The following NKAIN3 variants were observed in gnomAD, a reference collection of about 807,000 sequenced individuals.
The protein encoded by NKAIN3 is sodium/potassium transporting ATPase interacting 3.
NKAIN3 carries 25 observed loss-of-function variants against 30.2 expected under a neutral mutation model. The ratio of observed to expected loss-of-function variants is 0.83; its 90% CI spans 0.60 to 1.16. NKAIN3 has a LOEUF of 1.16. NKAIN3 is among the 50% of genes most tolerant of loss of function. The pLI is 0.00. For synonymous variants in NKAIN3, 91 were observed against 89.6 expected (o/e 1.02, Z -0.09); for missense variants, 225 against 254.1 (o/e 0.89, Z 0.78).
At position 62,984,389 on chromosome 8, in the gene NKAIN3, A is replaced by T. The variant is rs985054760; in HGVS notation, c.*18982A>T. 8 of 150,318 alleles carry T rather than the reference A, an allele frequency of 5.3e-5. No individual in the cohort carries two copies. The highest frequency in any genetic ancestry group is 1.0e-4 in the Non-Finnish European group (7 of 67,456). The allele number at this position is 150,318 out of a possible 1,614,324, so 9.3% of individuals were successfully genotyped here. On this transcript the variant is annotated 3_prime_UTR_variant, in exon 7 of 7. Transcript: ENST00000623646. Reference sequence around the variant, plus strand: ...TTTAACATTTTTACCAGCAGAAATCATTTTTTTTTTAAATCTCTCAATCTT... The same window carrying T: ...TTTAACATTTTTACCAGCAGAAATCTTTTTTTTTTTAAATCTCTCAATCTT...
In NKAIN3 at chr8:62,830,949, G is replaced by C. The variant is rs944251422; in HGVS notation, c.471+83820G>C. Among the ~76,000 whole-genome samples the C allele has an allele frequency of 3.9e-5, 6 of 152,176 alleles. No homozygotes were observed. The South Asian group carries it at 1.2e-3, about 32-fold the overall frequency. On this transcript the variant is annotated intron_variant, in intron 4 of 6. Coordinates refer to ENST00000623646, the MANE Select transcript of NKAIN3 (RefSeq NM_001304533.3). ...CCACCCATCTTGGACCCTCCCCACA[G>C]GGATGAGCAAGAAGCTCAGACTGCC...
chr8:62,998,266 C>G (rs553520984), intron 5 of NKAIN3, among the ~76,000 whole-genome samples: 2 of 152,120 alleles, frequency 1.3e-5, no homozygotes, highest in African/African-American at 4.8e-5. Flanking sequence ...CTCTCTCTCT[C>G]TCTCTCTTTT....
At chr8:62,735,565 G>A (rs780452797) in intron 3 of NKAIN3, among the ~76,000 whole-genome samples, 1 of 151,830 alleles carries the variant, frequency 6.6e-6, no homozygotes, top group Non-Finnish European at 1.5e-5. Flanking sequence ...TTTTTTAAAT[G>A]TCTTTAAGTT....
chr8:62,361,010 TAAAAAAAAA>T (rs3085311), intron 1 of NKAIN3, among the ~76,000 whole-genome samples: 17 of 146,002 alleles, frequency 1.2e-4, no homozygotes, highest in Middle Eastern at 3.7e-3. Context: ...ATTCCCCAGC[TAAAAAAAAA>T]AAAAAAAAAA....
At chr8:62,593,863 C>T (rs1162928337) in intron 3 of NKAIN3, among the ~76,000 whole-genome samples, 2 of 151,974 alleles carry the variant, frequency 1.3e-5, no homozygotes, top group African/African-American at 4.8e-5. Flanking sequence ...AAAGTTTAGT[C>T]TTCACTTCCC....
intron 4 of NKAIN3, among the ~76,000 whole-genome samples, chr8:62,878,081 A>T (rs1173480785): frequency 6.7e-6 from 1 of 150,294 alleles, no homozygotes; most frequent in Non-Finnish European, 1.5e-5. Flanking sequence ...CAAATACGGG[A>T]CTTTGCATTT....
chr8:62,729,241 A>C (rs1815391277), intron 3 of NKAIN3, among the ~76,000 whole-genome samples: 1 of 152,098 alleles, frequency 6.6e-6, no homozygotes, highest in East Asian at 1.9e-4. Flanking sequence ...CAAGGAAGAT[A>C]TGTAGATGGA....
intron 4 of NKAIN3, among the ~76,000 whole-genome samples, chr8:62,806,671 G>A (rs956124008): frequency 3.3e-5 from 5 of 151,954 alleles, no homozygotes; most frequent in African/African-American, 4.8e-5. Flanking sequence ...GCGGGAGTGG[G>A]GAGGGATAGC....
chr8:62,278,472 G>C (rs1813043120), intron 1 of NKAIN3, among the ~76,000 whole-genome samples: 2 of 151,868 alleles, frequency 1.3e-5, no homozygotes, highest in Non-Finnish European at 2.9e-5. Context: ...TTGGTGTGCT[G>C]CACCCATTAA....
At chr8:62,477,099 G>A (rs950217391) in intron 1 of NKAIN3, among the ~76,000 whole-genome samples, 6 of 152,204 alleles carry the variant, frequency 3.9e-5, no homozygotes, top group African/African-American at 1.4e-4. Flanking sequence ...GGCAGGAAAT[G>A]TTCCTGCAGA....
chr8:62,369,745 C>A (rs1816849161), intron 1 of NKAIN3, among the ~76,000 whole-genome samples: 1 of 151,780 alleles, frequency 6.6e-6, no homozygotes, highest in Non-Finnish European at 1.5e-5. Flanking sequence ...ATTATTTGAA[C>A]TCCCCCCAAG....
rs1168994927 is a variant in NKAIN3 at position 62,979,857 on chromosome 8, G to A, written c.*14450G>A. ...CGTTTGTTTGGACCCTGCTAATCAA[G>A]GCTACAGGGCAGCTGCAGAAAGACA... On this transcript the variant is annotated 3_prime_UTR_variant, in exon 7 of 7. Transcript: ENST00000623646. 6.6e-6 allele frequency: 1 copy of A among 152,240 alleles called. No individual in the cohort carries two copies. Among genetic ancestry groups the A allele is most frequent in the Non-Finnish European group, 1.5e-5 (1 of 68,078 alleles). 9.4% of individuals were successfully genotyped at this position (152,240 alleles called of 1,614,324 possible).
intron 3 of NKAIN3, among the ~76,000 whole-genome samples, chr8:62,743,978 T>C (rs1485412801): frequency 1.3e-5 from 2 of 152,090 alleles, no homozygotes; most frequent in East Asian, 3.9e-4. Flanking sequence ...GAAAGGCAAG[T>C]GATAGAGTAA....
At chr8:62,277,035 G>A (rs1585623943) in intron 1 of NKAIN3, among the ~76,000 whole-genome samples, 1 of 152,146 alleles carries the variant, frequency 6.6e-6, no homozygotes, top group East Asian at 1.9e-4. Context: ...GTTAATAATA[G>A]TTAAATTTTA....
Position 62,304,297 on chromosome 8 carries a change from T to C in NKAIN3, c.54+55170T>C, listed in dbSNP as rs141807820. Among the ~76,000 whole-genome samples the C allele has an allele frequency of 7.6e-4, 114 of 150,534 alleles. 10 individuals are homozygous for C. The highest frequency in any genetic ancestry group is 2.7e-3 in the African/African-American group (108 of 39,952). ...AGTATAGCTTGGTGCAAGTGTTTTT[T>C]GTGGAGCTCCAATTCACTTCTTTTC... On this transcript the variant is annotated intron_variant, in intron 1 of 6. Coordinates refer to ENST00000623646, the MANE Select transcript of NKAIN3 (RefSeq NM_001304533.3).
intron 1 of NKAIN3, among the ~76,000 whole-genome samples, chr8:62,446,802 G>A (rs777785468): frequency 6.6e-6 from 1 of 151,984 alleles, no homozygotes; most frequent in Admixed American, 6.6e-5. Flanking sequence ...TTCATTTTCA[G>A]GGTTAAGTCA....
intron 4 of NKAIN3, among the ~76,000 whole-genome samples, chr8:62,786,588 A>G (rs1817526840): frequency 6.6e-6 from 1 of 152,182 alleles, no homozygotes; most frequent in African/African-American, 2.4e-5. Flanking sequence ...ACAGAAGGGC[A>G]CAAAAAAGAA....
At chr8:62,585,062 T>A (rs1295759945) in intron 2 of NKAIN3, among the ~76,000 whole-genome samples, 1 of 152,206 alleles carries the variant, frequency 6.6e-6, no homozygotes, top group Admixed American at 6.5e-5. Flanking sequence ...GGACAGGGAC[T>A]TTTTTAAAAT....
intron 5 of NKAIN3, among the ~76,000 whole-genome samples, chr8:62,993,712 G>A (rs1485741625): frequency 6.6e-6 from 1 of 152,182 alleles, no homozygotes; most frequent in Non-Finnish European, 1.5e-5. Context: ...GGATGGAAAT[G>A]AGAAAAATAC....
Sources: allele counts gnomAD v4.1 joint callset (sites outside exome capture counted in the v4.1 genomes callset), GRCh38; gene constraint gnomAD v4.1.1; transcripts MANE v1.5; gene names NCBI Gene and HGNC (gene_info 2026-07-23, HGNC 2026-07-21).